The following KLRD1 variants were observed in gnomAD, a reference collection of about 807,000 sequenced individuals.
KLRD1 encodes killer cell lectin like receptor D1, also known as natural killer cells antigen CD94.
A neutral mutation model predicts 22.6 loss-of-function variants in KLRD1; 21 were observed. The ratio of observed to expected loss-of-function variants is 0.93; its 90% confidence interval spans 0.66 to 1.34. The LOEUF (loss-of-function observed/expected upper bound fraction) is 1.34, where lower values mean the gene tolerates loss of function less well. Ranked by LOEUF, KLRD1 falls within the 40% of genes most tolerant of loss-of-function variation. The probability of loss-of-function intolerance (pLI) is 0.00; values close to 1 mark genes in which losing one functional copy is unlikely to be tolerated. For synonymous variants in KLRD1, 59 were observed against 71.1 expected, an observed-to-expected ratio of 0.83 and a Z score of 0.85; for missense variants, 183 against 208.6, an observed-to-expected ratio of 0.88 and a Z score of 0.76.
intron 1 of KLRD1, among the ~76,000 whole-genome samples, chr12:10,253,319 C>G (rs2137621819): frequency 6.6e-6 from 1 of 152,294 alleles, no homozygotes. Flanking sequence ...ATACTCCGTT[C>G]ATACACTTTT....
intron 1 of KLRD1, among the ~76,000 whole-genome samples, chr12:10,248,828 C>G (rs889075715): frequency 3.3e-5 from 5 of 151,952 alleles, no homozygotes; most frequent in African/African-American, 1.2e-4. Flanking sequence ...GAACTCCTGA[C>G]CTCAGGTGAT....
intron 1 of KLRD1, among the ~76,000 whole-genome samples, chr12:10,240,843 A>G (rs1005869388): frequency 2.6e-5 from 4 of 152,078 alleles, no homozygotes; most frequent in Admixed American, 2.6e-4. Context: ...TATATCTTTT[A>G]CCTTTGTTTT....
intron 4 of KLRD1, 148 bp from the exon 5 acceptor site, chr12:10,313,262 A>G (rs1950140153): frequency 6.4e-6 from 3 of 470,998 alleles, no homozygotes; most frequent in African/African-American, 4.0e-5. Flanking sequence ...TCTTGTGATT[A>G]TACCTTTTAA....
rs1382292259 is a variant in KLRD1 at position 10,327,498 on chromosome 12, CT to C, written c.*12706del. On this transcript the variant is annotated 3_prime_UTR_variant, in exon 6 of 6. Coordinates refer to ENST00000336164, the MANE Select transcript of KLRD1 (RefSeq NM_002262.5). ...ACATTGTGAAATACAAATATTTTAA[CT>C]ATATGAAGTCTTTTAATAAATGAAT... 5.3e-5 allele frequency: 8 copies of C among 152,152 alleles called. No individual in the cohort carries two copies. The highest frequency in any genetic ancestry group is 2.1e-4 in the South Asian group (1 of 4,832). 9.4% of individuals were successfully genotyped at this position (152,152 alleles called of 1,614,324 possible). A position where few individuals can be genotyped will look rare whatever the true frequency, so the allele number is the denominator to read the frequency against.
At chr12:10,275,840 T>C (rs1291495626) in intron 1 of KLRD1, among the ~76,000 whole-genome samples, 1 of 152,164 alleles carries the variant, frequency 6.6e-6, no homozygotes, top group Non-Finnish European at 1.5e-5. Flanking sequence ...AGAAAACATA[T>C]ATGTAGAGAT....
chr12:10,239,484 T>TCCTC lies in KLRD1; in HGVS notation c.-101+13252_-101+13253insCTCC, dbSNP rs1555098504. Among the ~76,000 whole-genome samples the TCCTC allele has an allele frequency of 3.9e-5, 5 of 127,576 alleles. No homozygotes were observed. In the South Asian group the frequency reaches 1.3e-3, roughly 33 times the overall value. 83.7% of individuals were successfully genotyped at this position (127,576 alleles called of 152,430 possible). On this transcript the variant is annotated intron_variant, in intron 1 of 5. Transcript: ENST00000544747. ...TTCCTTCCTTCCTTCCTTCCTTCCT[T>TCCTC]CTTCCTTCCTTCCTTCCTTCCCTCC...
In KLRD1 at chr12:10,277,482, A is replaced by T. The variant is rs976398778; in HGVS notation, c.-100-30496A>T. Among the ~76,000 whole-genome samples the T allele has an allele frequency of 3.4e-4, 51 of 152,130 alleles. 1 individual carries two copies. Among genetic ancestry groups the T allele is most frequent in the Admixed American group, 1.8e-3 (27 of 15,268 alleles). ...GAGTTTATTATTATTTTCCCACTTC[A>T]TGGTGGAAAAGAATGAAGGAGAGTA... On this transcript the variant is annotated intron_variant, in intron 1 of 5. Coordinates refer to the KLRD1 transcript ENST00000544747.
intron 1 of KLRD1, among the ~76,000 whole-genome samples, chr12:10,241,280 A>T (rs942540238): frequency 6.6e-6 from 1 of 152,182 alleles, no homozygotes; most frequent in African/African-American, 2.4e-5. Context: ...TACGGTTTGT[A>T]TAAGAGTTTG....
intron 3 of KLRD1, 50 bp downstream of exon 3, chr12:10,309,738 C>A (rs1467467364): frequency 8.5e-6 from 11 of 1,290,560 alleles, no homozygotes; most frequent in Non-Finnish European, 1.2e-5. Flanking sequence ...ATTAAATAGG[C>A]AGTTTCTTGT....
rs149865701 is a variant in KLRD1 at position 10,276,320 on chromosome 12, G to T, written c.-100-31658G>T. 1.7e-3 allele frequency among the ~76,000 whole-genome samples: 260 copies of T among 152,044 alleles called. 2 individuals carry two copies. Among genetic ancestry groups the T allele is most frequent in the Non-Finnish European group, 2.9e-3 (197 of 67,972 alleles). On this transcript the variant is annotated intron_variant, in intron 1 of 5. Coordinates refer to the KLRD1 transcript ENST00000544747. ...TCTGTTCTTGTGCTTTGTTTGTTTG[G>T]ATATTTAGTGACTAGGTCGGTATAT...
At chr12:10,311,935 T>G (rs995058514) in intron 4 of KLRD1, among the ~76,000 whole-genome samples, 1 of 152,158 alleles carries the variant, frequency 6.6e-6, no homozygotes, top group African/African-American at 2.4e-5. Flanking sequence ...CTGTGATTCT[T>G]AACTCTTTTA....
chr12:10,268,325 T>C (rs1949518269), intron 1 of KLRD1, among the ~76,000 whole-genome samples: 1 of 152,134 alleles, frequency 6.6e-6, no homozygotes, highest in Non-Finnish European at 1.5e-5. Flanking sequence ...TATTAAAGTA[T>C]GTGATTTATG....
chr12:10,239,449 C>CCTTCCTTCCTTT (rs1949215035), intron 1 of KLRD1, among the ~76,000 whole-genome samples: 1 of 56,634 alleles, frequency 1.8e-5, no homozygotes, highest in African/African-American at 9.4e-5. Flanking sequence ...TTCCTTCCTT[C>CCTTCCTTCCTTT]CTTCCTTCCT....
chr12:10,313,110 A>G (rs1212720799), intron 4 of KLRD1, among the ~76,000 whole-genome samples: 1 of 152,204 alleles, frequency 6.6e-6, no homozygotes, highest in Non-Finnish European at 1.5e-5. Context: ...TTTGGAATCA[A>G]ATTTAATCTT....
chr12:10,240,711 T>C (rs1949233289), intron 1 of KLRD1, among the ~76,000 whole-genome samples: 1 of 152,202 alleles, frequency 6.6e-6, no homozygotes, highest in Non-Finnish European at 1.5e-5. Flanking sequence ...CCAATCAAGG[T>C]GAAATATCAG....
At chr12:10,250,941 G>C (rs1240035838) in intron 1 of KLRD1, among the ~76,000 whole-genome samples, 1 of 152,080 alleles carries the variant, frequency 6.6e-6, no homozygotes, top group Non-Finnish European at 1.5e-5. Flanking sequence ...AGCCGCAAGT[G>C]CCATGTTTCG....
intron 1 of KLRD1, among the ~76,000 whole-genome samples, chr12:10,242,251 C>T (rs752974437): frequency 6.6e-6 from 1 of 151,876 alleles, no homozygotes; most frequent in Non-Finnish European, 1.5e-5. Flanking sequence ...TTGTCAATGT[C>T]AAGCTGATTT....
At chr12:10,259,826 C>T (rs1160297896) in intron 1 of KLRD1, among the ~76,000 whole-genome samples, 1 of 152,132 alleles carries the variant, frequency 6.6e-6, no homozygotes, top group Non-Finnish European at 1.5e-5. Context: ...ATTAGCCAGG[C>T]GTTTTGGCAC....
chr12:10,288,135 C>T (rs187238827), intron 1 of KLRD1, among the ~76,000 whole-genome samples: 2 of 148,962 alleles, frequency 1.3e-5, no homozygotes, highest in Admixed American at 1.3e-4. Context: ...CCCAGCTACT[C>T]AGGAGGCTGA....
Sources: gnomAD v4.1 joint callset for allele counts (sites outside exome capture counted in the v4.1 genomes callset) on GRCh38, gnomAD v4.1.1 for gene constraint, MANE v1.5 for transcripts, NCBI Gene and HGNC (gene_info 2026-07-23, HGNC 2026-07-21) for gene names.